LIPH: variants seen among roughly 807,000 people sequenced by gnomAD.
LIPH encodes the protein lipase H.
LIPH carries 32 observed loss-of-function variants against 47.6 expected under a neutral mutation model. The observed-to-expected ratio is 0.67, with a 90% CI of 0.51 to 0.90. The LOEUF is 0.90. Ranked by LOEUF, LIPH falls within the 40% of genes least tolerant of loss-of-function variation. The pLI is 0.00. For missense variants in LIPH, 497 were observed against 541.4 expected, an observed-to-expected ratio of 0.92 and a Z score of 0.81; for synonymous variants, 190 against 195.6, an observed-to-expected ratio of 0.97 and a Z score of 0.24.
chr3:185,522,650 A>AAAAGAG (rs1719936067), intron 5 of LIPH, among the ~76,000 whole-genome samples: 1 of 141,896 alleles, frequency 7.0e-6, no homozygotes, highest in African/African-American at 2.6e-5. Context: ...GAGAGAAAGA[A>AAAAGAG]AAAGAAAGAA....
Position 185,508,770 on chromosome 3 carries a change from GC to G in LIPH, c.*19del. ...TGTAGCTTTCTTTCTATTATTTATG[GC>G]CATGTGTCCTGGCAACAGTTACAAC... On this transcript the variant is annotated 3_prime_UTR_variant, in exon 10 of 10. Transcript: ENST00000296252. The G allele has an allele frequency of 6.5e-7, 1 of 1,534,120 alleles. No individual in the cohort carries two copies. The highest frequency in any genetic ancestry group is 9.0e-7 in the Non-Finnish European group (1 of 1,107,098).
intron 4 of LIPH, among the ~76,000 whole-genome samples, chr3:185,526,986 T>C (rs1372730056): frequency 1.3e-5 from 2 of 152,160 alleles, no homozygotes; most frequent in Non-Finnish European, 2.9e-5. Context: ...ACGCCTGTAA[T>C]CCCAGCACTT....
At chr3:185,545,219 T>C (rs1485012495) in intron 1 of LIPH, among the ~76,000 whole-genome samples, 2 of 152,204 alleles carry the variant, frequency 1.3e-5, no homozygotes, top group African/African-American at 2.4e-5. Flanking sequence ...CTGTTGACAG[T>C]TGGAAAATTA....
chr3:185,533,545 A>G (rs1720402376), intron 3 of LIPH, 26 bp downstream of exon 3: 1 of 1,484,832 alleles, frequency 6.7e-7, no homozygotes, highest in African/African-American at 1.4e-5. Flanking sequence ...CAGGCTACCA[A>G]CCCATGCCCA....
At chr3:185,520,785 C>G (rs949659581) in intron 5 of LIPH, among the ~76,000 whole-genome samples, 10 of 152,080 alleles carry the variant, frequency 6.6e-5, no homozygotes, top group African/African-American at 2.4e-4. Flanking sequence ...ATTCTTATTT[C>G]ACTTACTCTC....
intron 6 of LIPH, 121 bp from the exon 7 acceptor site, chr3:185,517,283 A>G: frequency 1.5e-6 from 1 of 677,342 alleles, no homozygotes; most frequent in Non-Finnish European, 2.7e-6. Context: ...ACTCCATCCC[A>G]CCTCCATCCC....
rs1007163239 is a variant in LIPH, at chr3:185,508,171, C to CGA, written c.*617_*618dup. 3.2e-5 allele frequency: 5 copies of CGA among 154,494 alleles called. No individual in the cohort carries two copies. The highest frequency in any genetic ancestry group is 1.2e-4 in the African/African-American group (5 of 41,450). 9.6% of individuals were successfully genotyped at this position (154,494 alleles called of 1,614,324 possible). A position where few individuals can be genotyped will look rare whatever the true frequency, so the allele number is the denominator to read the frequency against. On this transcript the variant is annotated 3_prime_UTR_variant, in exon 10 of 10. Coordinates refer to ENST00000296252, the MANE Select transcript of LIPH (RefSeq NM_139248.3). ...TCTTGCCTTCCCTGAGCAAACAGCCCGAGAGAGAAGCTGGTGTTGATAGAG... is the reference window on the plus strand; with the variant it reads ...TCTTGCCTTCCCTGAGCAAACAGCCCGAGAGAGAGAAGCTGGTGTTGATAGAG...
intron 7 of LIPH, among the ~76,000 whole-genome samples, chr3:185,515,698 T>C (rs1000372242): frequency 2.6e-5 from 4 of 151,942 alleles, no homozygotes; most frequent in South Asian, 4.2e-4. Flanking sequence ...GTTTTTGGGG[T>C]TTTTGTATTT....
chr3:185,530,583 T>C (rs1181541429), intron 3 of LIPH, among the ~76,000 whole-genome samples: 1 of 152,044 alleles, frequency 6.6e-6, no homozygotes, highest in Non-Finnish European at 1.5e-5. Context: ...GGCACGATAA[T>C]TGCTTGAATC....
chr3:185,515,905 G>A (rs746318377), intron 7 of LIPH, among the ~76,000 whole-genome samples: 7 of 152,296 alleles, frequency 4.6e-5, no homozygotes, highest in Non-Finnish European at 8.8e-5. Context: ...TAAGGCAGGA[G>A]GATTGCTTGA....
At chr3:185,533,784 T>TTAC (rs1396588312) in intron 2 of LIPH, 105 bp from the exon 3 acceptor site, 11 of 724,050 alleles carry the variant, frequency 1.5e-5, no homozygotes, top group Admixed American at 1.3e-4. Flanking sequence ...TCTAAGCACC[T>TTAC]TACATCTATT....
intron 1 of LIPH, among the ~76,000 whole-genome samples, chr3:185,543,250 C>T (rs1720769481): frequency 6.6e-6 from 1 of 151,982 alleles, no homozygotes; most frequent in African/African-American, 2.4e-5. Context: ...GGTGCCCAAG[C>T]ATAATGCTGA....
At chr3:185,538,890 T>TACATATATACACATATAC (rs777833879) in intron 1 of LIPH, among the ~76,000 whole-genome samples, 19 of 143,008 alleles carry the variant, frequency 1.3e-4, no homozygotes, top group East Asian at 1.0e-3. Context: ...TATACATATA[T>TACATATATACACATATAC]ACGTATATAC....
At chr3:185,551,198 A>G (rs1430550789) in intron 1 of LIPH, among the ~76,000 whole-genome samples, 1 of 152,114 alleles carries the variant, frequency 6.6e-6, no homozygotes, top group Non-Finnish European at 1.5e-5. Flanking sequence ...AAAATAATAA[A>G]CATATACTTT....
At chr3:185,547,780 G>A (rs1167917956) in intron 1 of LIPH, among the ~76,000 whole-genome samples, 2 of 149,788 alleles carry the variant, frequency 1.3e-5, no homozygotes, top group Non-Finnish European at 3.0e-5. Context: ...AGCCGAGATC[G>A]CGCCACTGCA....
chr3:185,539,663 G>A (rs1285327691), intron 1 of LIPH, among the ~76,000 whole-genome samples: 2 of 152,126 alleles, frequency 1.3e-5, no homozygotes, highest in African/African-American at 4.8e-5. Context: ...GAGCCACCAC[G>A]CCCGGCCGCA....
Position 185,511,711 on chromosome 3 carries a change from G to A in LIPH, c.1095-14C>T. On this transcript the variant is annotated splice_polypyrimidine_tract_variant and intron_variant, in intron 8 of 9. Transcript: ENST00000296252. ...GTGGTGGGTTCACTGGAAGGAAGAAGTAATACTGAAAAATGGATAAAGACT... is the reference window on the plus strand; with the variant it reads ...GTGGTGGGTTCACTGGAAGGAAGAAATAATACTGAAAAATGGATAAAGACT... 1 of 1,592,080 alleles carries A rather than the reference G, an allele frequency of 6.3e-7. No homozygotes were observed.
intron 1 of LIPH, among the ~76,000 whole-genome samples, chr3:185,536,218 C>G (rs1720498908): frequency 6.6e-6 from 1 of 152,080 alleles, no homozygotes; most frequent in Non-Finnish European, 1.5e-5. Context: ...CTCACAGTGC[C>G]CAGCACATGG....
rs1719384724 is a variant in LIPH, at chr3:185,506,618, G to C, written c.*2172C>G. On this transcript the variant is annotated 3_prime_UTR_variant, in exon 10 of 10. Coordinates refer to ENST00000296252, the MANE Select transcript of LIPH (RefSeq NM_139248.3). ...CCAGAACTTTGAGAGGCCAAGGCCA[G>C]TGGATCACAAGGTCAGGAGTTCAAG... 6.6e-6 allele frequency: 1 copy of C among 152,192 alleles called. No homozygotes were observed. Among genetic ancestry groups the C allele is most frequent in the South Asian group, 2.1e-4 (1 of 4,822 alleles). 9.4% of individuals were successfully genotyped at this position (152,192 alleles called of 1,614,324 possible). A position where few individuals can be genotyped will look rare whatever the true frequency, so the allele number is the denominator to read the frequency against.
Sources: gnomAD v4.1 joint callset for allele counts (sites outside exome capture counted in the v4.1 genomes callset) on GRCh38, gnomAD v4.1.1 for gene constraint, MANE v1.5 for transcripts, NCBI Gene and HGNC (gene_info 2026-07-23, HGNC 2026-07-21) for gene names.